BICC1: variants seen among roughly 807,000 people sequenced by gnomAD.
BICC1 encodes the protein protein bicaudal C homolog 1.
Under a neutral mutation model 111.0 loss-of-function variants are expected in BICC1, and 43 were observed. The observed-to-expected ratio is 0.39, with a 90% CI of 0.30 to 0.50. The LOEUF (loss-of-function observed/expected upper bound fraction) is 0.50, where lower values mean the gene tolerates loss of function less well. BICC1 is among the 20% of genes least tolerant of loss of function. BICC1 has a pLI of 0.88. For synonymous variants in BICC1, 467 were observed against 434.4 expected, an observed-to-expected ratio of 1.07 and a Z score of -0.93; for missense variants, 1,091 against 1,203.2, an observed-to-expected ratio of 0.91 and a Z score of 1.38.
rs780723812 is a variant in BICC1, at chr10:58,789,326, A to G, written c.665A>G (p.Asp222Gly). The G allele has an allele frequency of 1.9e-6, 3 of 1,613,914 alleles. No individual in the cohort carries two copies. The African/African-American group carries it at 4.0e-5, about 22-fold the overall frequency. The change falls in exon 7 of 21, where the codon GAT (aspartate) becomes GGT (glycine). Residue 222 changes from aspartate to glycine, a missense_variant. Physicochemically the swap from Asp to Gly is moderately conservative, Grantham distance 94 (BLOSUM62 -1). Around this residue, in one of 3 missense-constraint regions of BICC1, gnomAD observed 843 missense variants for 900.8 expected, o/e 0.94. Coordinates refer to ENST00000373886, the MANE Select transcript of BICC1 (RefSeq NM_001080512.3). ...GCTGGAATTCTTCAACCGGTTCCTG[A>G]TCCTAATTCCCCCTCTATTCAGCAT... ...PIAGILQPVPDPNSPSIQHIS... is the reference protein window; with the variant it reads ...PIAGILQPVPGPNSPSIQHIS...
intron 2 of BICC1, among the ~76,000 whole-genome samples, chr10:58,685,592 T>C (rs1564552736): frequency 6.6e-6 from 1 of 152,236 alleles, no homozygotes; most frequent in Non-Finnish European, 1.5e-5. Flanking sequence ...TAGCTCTTCT[T>C]GTGGAATTGA....
intron 10 of BICC1, among the ~76,000 whole-genome samples, chr10:58,797,366 AT>A (rs1448138089): frequency 6.6e-6 from 1 of 151,976 alleles, no homozygotes; most frequent in Admixed American, 6.6e-5. Context: ...AGTCTTTAAA[AT>A]TTTTTTTCCA....
chr10:58,516,899 G>A (rs1053410820), intron 1 of BICC1, among the ~76,000 whole-genome samples: 1 of 152,124 alleles, frequency 6.6e-6, no homozygotes, highest in Admixed American at 6.5e-5. Flanking sequence ...GGAAGTCTGG[G>A]AGAAAGTAAG....
At chr10:58,592,631 C>T (rs1173025107) in intron 1 of BICC1, among the ~76,000 whole-genome samples, 3 of 151,220 alleles carry the variant, frequency 2.0e-5, no homozygotes, top group East Asian at 2.0e-4. Flanking sequence ...AGGAGAATGG[C>T]GTAAACCCAG....
chr10:58,554,342 T>G (rs553115479), intron 1 of BICC1, among the ~76,000 whole-genome samples: 2 of 152,264 alleles, frequency 1.3e-5, no homozygotes, highest in South Asian at 4.1e-4. Flanking sequence ...AAATCCGGTC[T>G]TCTTTTCCTG....
intron 3 of BICC1, among the ~76,000 whole-genome samples, chr10:58,769,762 T>C (rs920441020): frequency 4.6e-5 from 7 of 152,044 alleles, no homozygotes; most frequent in African/African-American, 1.2e-4. Context: ...ACTGTATTCA[T>C]ATAGTGTACT....
At chr10:58,657,095 A>G (rs1302187958) in intron 2 of BICC1, among the ~76,000 whole-genome samples, 3 of 152,124 alleles carry the variant, frequency 2.0e-5, no homozygotes, top group Admixed American at 1.3e-4. Context: ...ATGAGCTGCT[A>G]GCTTCTCCTC....
At chr10:58,617,509 A>G (rs955529242) in intron 1 of BICC1, among the ~76,000 whole-genome samples, 1 of 152,234 alleles carries the variant, frequency 6.6e-6, no homozygotes, top group East Asian at 1.9e-4. Flanking sequence ...CATTCCTGAT[A>G]GAGCATGGTA....
At chr10:58,675,337 C>T (rs1564546574) in intron 2 of BICC1, among the ~76,000 whole-genome samples, 4 of 151,908 alleles carry the variant, frequency 2.6e-5, no homozygotes, top group Admixed American at 6.6e-5. Flanking sequence ...CTGAAAAGTG[C>T]AGAAGTACAG....
At chr10:58,596,791 C>T (rs530472685) in intron 1 of BICC1, among the ~76,000 whole-genome samples, 89 of 152,286 alleles carry the variant, frequency 5.8e-4, no homozygotes, top group African/African-American at 2.1e-3. Flanking sequence ...CATGATTGAA[C>T]TCCCATTCAC....
intron 2 of BICC1, among the ~76,000 whole-genome samples, chr10:58,676,345 G>C (rs991927087): frequency 1.1e-4 from 16 of 152,162 alleles, no homozygotes; most frequent in Admixed American, 9.2e-4. Context: ...ATCCCACCCC[G>C]ATGGAGCCCA....
intron 15 of BICC1, among the ~76,000 whole-genome samples, chr10:58,803,667 C>T (rs529434962): frequency 2.6e-5 from 4 of 152,138 alleles, no homozygotes; most frequent in South Asian, 4.2e-4. Context: ...ATGAGAATAA[C>T]GAATGTGGAG....
intron 1 of BICC1, among the ~76,000 whole-genome samples, chr10:58,555,720 T>C (rs915597227): frequency 1.3e-5 from 2 of 152,148 alleles, no homozygotes; most frequent in African/African-American, 2.4e-5. Context: ...CAGGCTTGAC[T>C]TCAGTGAAAC....
chr10:58,813,769 C>T lies in BICC1; in HGVS notation c.2377-61C>T, dbSNP rs923200470. The T allele has an allele frequency of 3.2e-6, 5 of 1,539,444 alleles. No homozygotes were observed. The Admixed American group carries it at 8.7e-5, about 27-fold the overall frequency. ...GTGGTGTAATGTGGATTCTTTTCTC[C>T]TCCCACCCTGAAAAACCCACCTGAT... is the stretch of plus-strand genomic sequence containing the variant. On this transcript the variant is annotated intron_variant, in intron 17 of 20. Coordinates refer to ENST00000373886, the MANE Select transcript of BICC1 (RefSeq NM_001080512.3).
At chr10:58,642,006 A>G (rs781580968) in intron 2 of BICC1, among the ~76,000 whole-genome samples, 9 of 152,254 alleles carry the variant, frequency 5.9e-5, no homozygotes, top group Non-Finnish European at 1.3e-4. Context: ...AATATCTTGC[A>G]GGGAAGACAC....
intron 1 of BICC1, among the ~76,000 whole-genome samples, chr10:58,614,768 C>T (rs377030602): frequency 3.3e-5 from 5 of 152,174 alleles, no homozygotes; most frequent in East Asian, 1.9e-4. Context: ...AAATAAGTCT[C>T]CTCAAGGAAG....
At chr10:58,632,814 T>C (rs1220623405) in intron 2 of BICC1, among the ~76,000 whole-genome samples, 1 of 152,066 alleles carries the variant, frequency 6.6e-6, no homozygotes, top group Non-Finnish European at 1.5e-5. Context: ...TTTTCTCATA[T>C]AGCCCAGAAA....
intron 3 of BICC1, among the ~76,000 whole-genome samples, chr10:58,774,628 T>A (rs536181468): frequency 2.0e-5 from 3 of 152,344 alleles, no homozygotes; most frequent in African/African-American, 4.8e-5. Flanking sequence ...CTTCTTAATA[T>A]ATGTGTATTC....
At chr10:58,755,270 G>A (rs1404434660) in intron 3 of BICC1, among the ~76,000 whole-genome samples, 1 of 152,130 alleles carries the variant, frequency 6.6e-6, no homozygotes, top group African/African-American at 2.4e-5. Flanking sequence ...ACTGTTTAGT[G>A]TCTAGCCTGC....
Sources: gnomAD v4.1 joint callset for allele counts (sites outside exome capture counted in the v4.1 genomes callset) on GRCh38, gnomAD v4.1.1 for gene constraint, gnomAD v4.1.1 regional missense constraint, MANE v1.5 for transcripts, NCBI Gene and HGNC (gene_info 2026-07-23, HGNC 2026-07-21) for gene names.